Variants in PIAS1 observed in about 807,000 individuals in gnomAD.
PIAS1 encodes the protein E3 SUMO-protein ligase PIAS1.
In PIAS1, 6 loss-of-function variants were observed where a neutral mutation model predicts 71.3. That is an observed-to-expected ratio of 0.08 (90% CI 0.05 to 0.17). The LOEUF is 0.17. PIAS1 is among the 10% of genes least tolerant of loss of function. The probability of loss-of-function intolerance (pLI) is 1.00; values close to 1 mark genes in which losing one functional copy is unlikely to be tolerated. For missense variants in PIAS1, 555 were observed against 793.6 expected (o/e 0.70, Z 3.61); for synonymous variants, 303 against 292.9 (o/e 1.03, Z -0.35).
At chr15:68,153,837 C>CATGAGCTATATTTT (rs1479404406) in intron 7 of PIAS1, 142 bp downstream of exon 7, 2 of 526,500 alleles carry the variant, frequency 3.8e-6, no homozygotes, top group Non-Finnish European at 6.7e-6. Context: ...ATATCTTTGT[C>CATGAGCTATATTTT]ATGAGCTATA....
In PIAS1 at chr15:68,178,449, T is replaced by C. The variant is rs1285191646; in HGVS notation, c.1481+1795T>C. On this transcript the variant is annotated intron_variant, in intron 11 of 13. Coordinates refer to ENST00000249636, the MANE Select transcript of PIAS1 (RefSeq NM_016166.3). The surrounding 1 kb of genome is among the most constrained non-coding windows in gnomAD (Gnocchi z 4.2). ...ACATGACCTCTGATAAAAGCCTATC[T>C]TGATGGCTATAACCCAGCAAGCCTG... 6.6e-6 allele frequency among the ~76,000 whole-genome samples: 1 copy of C among 152,206 alleles called. No homozygotes were observed. The highest frequency in any genetic ancestry group is 1.5e-5 in the Non-Finnish European group (1 of 68,040).
chr15:68,166,915 T>C (rs1249979529), intron 8 of PIAS1, among the ~76,000 whole-genome samples: 1 of 152,214 alleles, frequency 6.6e-6, no homozygotes, highest in East Asian at 1.9e-4. Flanking sequence ...AGCCTCCACC[T>C]CCCAGGTTCA....
intron 2 of PIAS1, among the ~76,000 whole-genome samples, chr15:68,139,859 T>A (rs2092758522): frequency 6.6e-6 from 1 of 152,202 alleles, no homozygotes; most frequent in South Asian, 2.1e-4. Context: ...TTGTTTTGGA[T>A]GATTTTGTAA....
intron 11 of PIAS1, among the ~76,000 whole-genome samples, chr15:68,179,564 C>CTTTATTTTTTTTTTTTTTTTT (rs2093040146): frequency 2.5e-5 from 1 of 40,094 alleles, no homozygotes; most frequent in Non-Finnish European, 4.4e-5. Context: ...GTGAAATGTT[C>CTTTATTTTTTTTTTTTTTTTT]TTTTTTTTTT....
At chr15:68,103,896 A>T (rs940187009) in intron 2 of PIAS1, among the ~76,000 whole-genome samples, 1 of 152,174 alleles carries the variant, frequency 6.6e-6, no homozygotes, top group Non-Finnish European at 1.5e-5. Flanking sequence ...GCTAATATGA[A>T]TATTCGTGTA....
intron 12 of PIAS1, among the ~76,000 whole-genome samples, chr15:68,183,314 C>T (rs1450008738): frequency 6.6e-6 from 1 of 152,194 alleles, no homozygotes; most frequent in Non-Finnish European, 1.5e-5. Flanking sequence ...TTGAAAGTTT[C>T]CTTAAGAGGA....
intron 2 of PIAS1, among the ~76,000 whole-genome samples, chr15:68,101,582 C>CCT (rs2092427438): frequency 2.6e-5 from 4 of 152,200 alleles, no homozygotes; most frequent in Admixed American, 2.6e-4. Context: ...AGCCCTCCTG[C>CCT]CTCAGCCTCC....
At chr15:68,109,821 G>A (rs938291974) in intron 2 of PIAS1, among the ~76,000 whole-genome samples, 2 of 152,068 alleles carry the variant, frequency 1.3e-5, no homozygotes, top group Admixed American at 1.3e-4. Context: ...GTCTATTCAG[G>A]GAATTAGAAG....
chr15:68,181,184 A>C, intron 11 of PIAS1, 28 bp from the exon 12 acceptor site: 1 of 1,607,718 alleles, frequency 6.2e-7, no homozygotes, highest in Non-Finnish European at 8.5e-7. Context: ...TGGCTAATGA[A>C]AACTATGCCA....
In PIAS1 at chr15:68,054,555, CG is replaced by C; in HGVS notation, c.24+208del. ...GCCCCGGGTGCCTCGGGGGCGCTGA[CG>C]GGTCGTCCCCGGCGTGTTATTGTTG... On this transcript the variant is annotated intron_variant, in intron 1 of 13. Transcript: ENST00000249636. This position sits in a 1 kb window ranked among gnomAD's most constrained non-coding sequence, Gnocchi z 4.6. 2.2e-6 allele frequency: 1 copy of C among 454,126 alleles called. No homozygotes were observed. Among genetic ancestry groups the C allele is most frequent in the Non-Finnish European group, 3.9e-6 (1 of 255,806 alleles). The allele number at this position is 454,126 out of a possible 1,614,324, so 28.1% of individuals were successfully genotyped here. A position where few individuals can be genotyped will look rare whatever the true frequency, so the allele number is the denominator to read the frequency against.
chr15:68,066,111 TTA>T (rs2092022080), intron 1 of PIAS1, among the ~76,000 whole-genome samples: 2 of 151,498 alleles, frequency 1.3e-5, no homozygotes, highest in South Asian at 4.2e-4. Flanking sequence ...TTTTTCAAGG[TTA>T]TGTTTTTTCT....
At chr15:68,091,209 T>C (rs887367119) in intron 2 of PIAS1, among the ~76,000 whole-genome samples, 1 of 152,202 alleles carries the variant, frequency 6.6e-6, no homozygotes, top group African/African-American at 2.4e-5. Context: ...GATTAAAATA[T>C]CTTGTCCATT....
At chr15:68,134,276 G>A (rs1282918841) in intron 2 of PIAS1, among the ~76,000 whole-genome samples, 1 of 24,838 alleles carries the variant, frequency 4.0e-5, no homozygotes, top group African/African-American at 7.7e-5. Flanking sequence ...GGTGGTGGCC[G>A]GGCAGAGGGG....
chr15:68,181,710 C>G (rs1328143068), intron 12 of PIAS1: 4 of 182,290 alleles, frequency 2.2e-5, no homozygotes, highest in Non-Finnish European at 4.7e-5. Context: ...GAGTCTTGCT[C>G]TGTTGCCTGG....
chr15:68,129,833 A>ACACACT (rs2092677397), intron 2 of PIAS1, among the ~76,000 whole-genome samples: 1 of 134,274 alleles, frequency 7.4e-6, no homozygotes, highest in Non-Finnish European at 1.6e-5. Context: ...ACACACACAC[A>ACACACT]CACTCTTACA....
rs8036555 is a variant in PIAS1 at position 68,153,414 on chromosome 15, G to A, written c.829-176G>A. Among the ~76,000 whole-genome samples, 151,331 of 152,280 alleles carry A rather than the reference G, an allele frequency of 0.99. 75,203 individuals are homozygous for A. The highest frequency in any genetic ancestry group is 1 in the Middle Eastern group (294 of 294). ...ATAAAAACAGGTTTATGATCATCTC[G>A]GCAGCTTTTTGGTCAGGATTAAATG... On this transcript the variant is annotated intron_variant, in intron 6 of 13. Coordinates refer to ENST00000249636, the MANE Select transcript of PIAS1 (RefSeq NM_016166.3).
chr15:68,109,872 A>G (rs371625548), intron 2 of PIAS1, among the ~76,000 whole-genome samples: 7 of 152,226 alleles, frequency 4.6e-5, no homozygotes, highest in African/African-American at 1.7e-4. Context: ...TCACTTTTGT[A>G]TACCATTGGT....
rs183474177 is a variant in PIAS1 at position 68,181,275 on chromosome 15, C to T, written c.1545C>T (p.Asp515=). The change falls in exon 12 of 14, where the codon GAC becomes GAT. Residue 515 remains aspartate, a synonymous_variant. Coordinates refer to ENST00000249636, the MANE Select transcript of PIAS1 (RefSeq NM_016166.3). ...VSRTPSLPAV[D]TSYINTSLIQ... ...GCACCCCAAGCCTTCCTGCTGTAGA[C>T]ACAAGCTACATTAATACCTCCCTCA... 1.4e-5 allele frequency: 23 copies of T among 1,613,224 alleles called. No individual in the cohort carries two copies. The Admixed American group carries it at 2.3e-4, about 16-fold the overall frequency.
intron 2 of PIAS1, among the ~76,000 whole-genome samples, chr15:68,099,470 T>TCATGGTATGGATATATCA (rs1214263805): frequency 1.3e-5 from 2 of 152,156 alleles, no homozygotes; most frequent in Non-Finnish European, 2.9e-5. Flanking sequence ...AAGTAATGAT[T>TCATGGTATGGATATATCA]CATGGTATGG....
Sources: allele counts gnomAD v4.1 joint callset (sites outside exome capture counted in the v4.1 genomes callset), GRCh38; gene constraint gnomAD v4.1.1; non-coding constraint Gnocchi (gnomAD v3.1); transcripts MANE v1.5; gene names NCBI Gene and HGNC (gene_info 2026-07-23, HGNC 2026-07-21).